Variants in HERC2 observed in about 807,000 individuals in gnomAD.
HERC2 encodes E3 ubiquitin-protein ligase HERC2.
Under a neutral mutation model 537.7 loss-of-function variants are expected in HERC2, and 102 were observed. The ratio of observed to expected loss-of-function variants is 0.19; its 90% confidence interval spans 0.16 to 0.22. The LOEUF (loss-of-function observed/expected upper bound fraction) is 0.22, where lower values mean the gene tolerates loss of function less well. Ranked by LOEUF, HERC2 falls within the 10% of genes least tolerant of loss-of-function variation. The pLI is 1.00. For synonymous variants in HERC2, 2,224 were observed against 2,466.2 expected (o/e 0.90, Z 2.91); for missense variants, 4,236 against 6,198.2 (o/e 0.68, Z 10.63).
In HERC2 at chr15:28,248,626, A is replaced by G; in HGVS notation, c.3161T>C (p.Leu1054Ser). ...AATAAGCAAACGTTGAAAACGCAGT[A>G]ACAAATCCAATGAAGCAGATCTTTC... ...SRERSASLDLLLRFQRLLISK... is the reference protein window; with the variant it reads ...SRERSASLDLSLRFQRLLISK... The change falls in exon 21 of 93, where the codon TTA (leucine) becomes TCA (serine). Residue 1054 changes from leucine to serine, a missense_variant. Physicochemically the swap from Leu to Ser is moderately radical, Grantham distance 145. Transcript: ENST00000261609. The G allele has an allele frequency of 6.2e-7, 1 of 1,614,066 alleles. No homozygotes were observed. Among genetic ancestry groups the G allele is most frequent in the Non-Finnish European group, 8.5e-7 (1 of 1,179,898 alleles).
chr15:28,117,271 T>C (rs1006485450), intron 86 of HERC2, 117 bp from the exon 87 acceptor site: 2 of 1,026,150 alleles, frequency 1.9e-6, no homozygotes, highest in Non-Finnish European at 3.0e-6. Flanking sequence ...GGCCCCTCCC[T>C]GGTCACACAC....
rs749601788 is a variant in HERC2, at chr15:28,142,939, C to T, written c.11432G>A (p.Ser3811Asn). ...ACCTTTCACCAAAGCAGCAAGAGCACTACCTGTAAAACTCTAAGAAACAAC... is the reference window on the plus strand; with the variant it reads ...ACCTTTCACCAAAGCAGCAAGAGCATTACCTGTAAAACTCTAAGAAACAAC... ...GETRALSFTG[S>N]ALAALVKGLP... The change falls in exon 75 of 93, where the codon AGT becomes AAT. Residue 3811 changes from serine (S) to asparagine (N), a missense_variant. Ser to Asn is a conservative substitution (Grantham distance 46). Coordinates refer to ENST00000261609, the MANE Select transcript of HERC2 (RefSeq NM_004667.6). 1.9e-5 allele frequency: 30 copies of T among 1,607,480 alleles called. No homozygotes were observed. The highest frequency in any genetic ancestry group is 2.5e-5 in the Non-Finnish European group (30 of 1,177,152).
At chr15:28,232,235 G>A (rs956666950) in intron 30 of HERC2, among the ~76,000 whole-genome samples, 1 of 152,150 alleles carries the variant, frequency 6.6e-6, no homozygotes, top group African/African-American at 2.4e-5. Flanking sequence ...GAGTAAATCA[G>A]TATAAGTCAT....
At chr15:28,182,824 G>A (rs73362609) in intron 56 of HERC2, among the ~76,000 whole-genome samples, 11,691 of 152,138 alleles carry the variant, frequency 0.077, 1,550 homozygotes, top group African/African-American at 0.27. Context: ...ACATGGGTGG[G>A]AATCATTCCA....
chr15:28,120,516 CTT>C, intron 86 of HERC2, among the ~76,000 whole-genome samples: 1 of 152,256 alleles, frequency 6.6e-6, no homozygotes, highest in East Asian at 1.9e-4. Context: ...CGAGGCTTCT[CTT>C]TGTTTTTAAT....
chr15:28,168,408 T>C lies in HERC2; in HGVS notation c.10412A>G (p.Glu3471Gly). The stretch of plus-strand genomic sequence containing the variant: ...ACATTGCTTTAGATTCGCTTTTACC[T>C]CTCTCTTTTCTTGCCATGGATTTGG... ...LSPNPWQEKREIVSSEDAVTP... is the reference protein window; with the variant it reads ...LSPNPWQEKRGIVSSEDAVTP... The change falls in exon 67 of 93, where the codon GAG (glutamate) becomes GGG (glycine). Residue 3471 changes from glutamate (E) to glycine (G), a missense_variant and splice_region_variant. Around this residue, in one of 27 missense-constraint regions of HERC2, gnomAD observed 356 missense variants for 450.9 expected, o/e 0.79. Transcript: ENST00000261609. 6.2e-7 allele frequency: 1 copy of C among 1,613,268 alleles called. No homozygotes were observed. The highest frequency in any genetic ancestry group is 8.5e-7 in the Non-Finnish European group (1 of 1,179,652).
At chr15:28,257,026 A>C in intron 17 of HERC2, 35 bp downstream of exon 17, 1 of 1,569,598 alleles carries the variant, frequency 6.4e-7, no homozygotes, top group Non-Finnish European at 8.8e-7. Flanking sequence ...TAAGACACTT[A>C]CAAAAGGAGG....
intron 16 of HERC2, among the ~76,000 whole-genome samples, chr15:28,258,344 T>G (rs2075324347): frequency 1.3e-5 from 2 of 152,188 alleles, no homozygotes; most frequent in South Asian, 2.1e-4. Flanking sequence ...TGCTGGTGCA[T>G]GCCGGTAGTC....
rs186736087 is a variant in HERC2 at position 28,319,512 on chromosome 15, G to A, written c.72+1850C>T. Among the ~76,000 whole-genome samples the A allele has an allele frequency of 3.4e-3, 508 of 150,506 alleles. 4 individuals carry two copies. The highest frequency in any genetic ancestry group is 0.012 in the African/African-American group (482 of 40,482). Reference sequence around the variant, plus strand: ...AGGCGGGAGAATCACTTGCATTCGGGAGGCGGAAGTTGCAGTGAGCCAAGA... The same window carrying A: ...AGGCGGGAGAATCACTTGCATTCGGAAGGCGGAAGTTGCAGTGAGCCAAGA... On this transcript the variant is annotated intron_variant, in intron 2 of 92. Transcript: ENST00000261609.
intron 2 of HERC2, among the ~76,000 whole-genome samples, chr15:28,303,198 G>A (rs553100350): frequency 6.6e-6 from 1 of 152,162 alleles, no homozygotes; most frequent in Non-Finnish European, 1.5e-5. Context: ...GAGAGATAGC[G>A]GTCTAGTTTC....
chr15:28,248,597 T>C lies in HERC2; in HGVS notation c.3190A>G (p.Lys1064Glu), dbSNP rs757634299. Reference sequence around the variant, plus strand: ...CCAATACTTTCTCCTGGATAAAGTTTACTAATAAGCAAACGTTGAAAACGC... The same window carrying C: ...CCAATACTTTCTCCTGGATAAAGTTCACTAATAAGCAAACGTTGAAAACGC... Reference protein sequence around the residue: ...LLRFQRLLISKLYPGESIGQT... With the variant: ...LLRFQRLLISELYPGESIGQT... Residue 1064 changes from lysine (K) to glutamate (E), a missense_variant, in exon 21 of 93, where the codon AAA becomes GAA. Transcript: ENST00000261609. 2.5e-6 allele frequency: 4 copies of C among 1,614,142 alleles called. No homozygotes were observed. In the South Asian group the frequency reaches 4.4e-5, roughly 18 times the overall value.
rs778006530 is a variant in HERC2 at position 28,141,443 on chromosome 15, C to T, written c.12004G>A (p.Ala4002Thr). 2 of 1,614,084 alleles carry T rather than the reference C, an allele frequency of 1.2e-6. No homozygotes were observed. The highest frequency in any genetic ancestry group is 3.3e-5 in the Admixed American group (2 of 60,004). The stretch of plus-strand genomic sequence containing the variant: ...AAAAGAGCTCTTACCTTCCCATCAG[C>T]CGTCACAGCAAAGAGGGTCTGTTCC... ...GGEQTLFAVT[A>T]DGKLYATGYG... The change falls in exon 78 of 93, where the codon GCT (alanine) becomes ACT (threonine). Residue 4002 changes from alanine (A) to threonine (T), a missense_variant. Physicochemically the swap from Ala to Thr is moderately conservative, Grantham distance 58 (BLOSUM62 0). This residue lies in a region of HERC2 where 43 missense variants were observed against 82.6 expected (regional missense o/e 0.52). Coordinates refer to ENST00000261609, the MANE Select transcript of HERC2 (RefSeq NM_004667.6).
At chr15:28,266,055 T>A in intron 12 of HERC2, 81 bp from the exon 13 acceptor site, 5 of 1,486,468 alleles carry the variant, frequency 3.4e-6, no homozygotes, top group Non-Finnish European at 4.6e-6. Context: ...AAATTCACTA[T>A]CCAAATTTAG....
rs1901607696 is a variant in HERC2 at position 28,229,533 on chromosome 15, A to C, written c.5047T>G (p.Phe1683Val). 3.7e-6 allele frequency: 6 copies of C among 1,613,790 alleles called. No individual in the cohort carries two copies. The highest frequency in any genetic ancestry group is 1.3e-5 in the African/African-American group (1 of 74,940). The change falls in exon 33 of 93, where the codon TTC becomes GTC. Residue 1683 changes from phenylalanine to valine, a missense_variant. By Grantham distance (50) the Phe-to-Val change is conservative (BLOSUM62 -1). Transcript: ENST00000261609. ...DTILKLASKN[F>V]LLPSVQYAMF... ...GCATACTGCACAGATGGAAGTAAGA[A>C]ATTCTTGCTCGCCAGTTTTAAAATT...
At chr15:28,243,492 A>G (rs921470064) in intron 23 of HERC2, among the ~76,000 whole-genome samples, 6 of 152,216 alleles carry the variant, frequency 3.9e-5, no homozygotes, top group Non-Finnish European at 7.3e-5. Context: ...CCAAAAGTTC[A>G]TATCCCAAAT....
Position 28,146,354 on chromosome 15 carries a change from A to G in HERC2, c.10901-10T>C, listed in dbSNP as rs771415118. ...CTGAGTCCTTCTGCACCTGAAGGAC[A>G]GGCAAGCACAAAACATAGCAACCAC... On this transcript the variant is annotated splice_polypyrimidine_tract_variant and intron_variant, in intron 70 of 92. Transcript: ENST00000261609. The G allele has an allele frequency of 1.3e-6, 2 of 1,594,624 alleles. No homozygotes were observed. Among genetic ancestry groups the G allele is most frequent in the South Asian group, 2.2e-5 (2 of 90,720 alleles).
At chr15:28,210,056 G>A (rs1302279419) in intron 44 of HERC2, among the ~76,000 whole-genome samples, 1 of 129,968 alleles carries the variant, frequency 7.7e-6, no homozygotes, top group Admixed American at 9.2e-5. Context: ...TCCGCCCCCC[G>A]GTTCAAGTGA....
Position 28,152,706 on chromosome 15 carries a change from G to A in HERC2, c.10871C>T (p.Thr3624Ile), listed in dbSNP as rs1346465360. The A allele has an allele frequency of 6.4e-7, 1 of 1,551,166 alleles. No individual in the cohort carries two copies. Among genetic ancestry groups the A allele is most frequent in the Non-Finnish European group, 8.7e-7 (1 of 1,147,020 alleles). The change falls in exon 70 of 93, where the codon ACC becomes ATC. Residue 3624 changes from threonine to isoleucine, a missense_variant. Physicochemically the swap from Thr to Ile is moderately conservative, Grantham distance 89. Coordinates refer to ENST00000261609, the MANE Select transcript of HERC2 (RefSeq NM_004667.6). ...TATCTTCACTGTGCCACTGGTGGAG[G>A]TGTCGTCGGTGTAAGGGTGGCTACT... ...VESSHPYTDDTSTSGTVKIPG... is the reference protein window; with the variant it reads ...VESSHPYTDDISTSGTVKIPG...
chr15:28,132,766 C>A lies in HERC2; in HGVS notation c.12295G>T (p.Gly4099Cys). 1 of 1,608,294 alleles carries A rather than the reference C, an allele frequency of 6.2e-7. No homozygotes were observed. Among genetic ancestry groups the A allele is most frequent in the Non-Finnish European group, 8.5e-7 (1 of 1,177,574 alleles). ...GTGACACAGGCGCTGTGGGCTCCGC[C>A]AGCAGCAACATCGACCACTTCAATT... ...RGIEVVDVAA[G>C]GAHSACVTAA... Residue 4099 changes from glycine to cysteine, a missense_variant, in exon 80 of 93, where the codon GGC becomes TGC. Physicochemically the swap from Gly to Cys is radical, Grantham distance 159. Around this residue, in one of 27 missense-constraint regions of HERC2, gnomAD observed 94 missense variants for 137.4 expected, o/e 0.68. Transcript: ENST00000261609.
Sources: allele counts gnomAD v4.1 joint callset (sites outside exome capture counted in the v4.1 genomes callset), GRCh38; gene constraint gnomAD v4.1.1; regional missense constraint gnomAD v4.1.1; transcripts MANE v1.5; gene names NCBI Gene and HGNC (gene_info 2026-07-23, HGNC 2026-07-21).